Variants in SPMIP2 observed in about 807,000 individuals in gnomAD.
The protein encoded by SPMIP2 is protein SPMIP2.
the SPMIP2 span, among the ~76,000 whole-genome samples, chr4:158,915,723 T>C: frequency 9.9e-5 from 15 of 152,204 alleles, no homozygotes; most frequent in Non-Finnish European, 2.1e-4. Context: ...GGCCTATCCA[T>C]TTTGAGGTCT....
the SPMIP2 span, among the ~76,000 whole-genome samples, chr4:159,022,616 A>G: frequency 6.6e-6 from 1 of 152,178 alleles, no homozygotes; most frequent in African/African-American, 2.4e-5. Context: ...ATAGGGCCTG[A>G]GGCTCTGCAT....
At chr4:158,911,376 A>AAATAAATAAATAAAT in the SPMIP2 span, among the ~76,000 whole-genome samples, 5 of 147,054 alleles carry the variant, frequency 3.4e-5, no homozygotes, top group South Asian at 8.4e-4. Flanking sequence ...ATAAATAAAT[A>AAATAAATAAATAAAT]AATAAATAAA....
chr4:159,007,746 G>A, the SPMIP2 span: 1 of 632,082 alleles, frequency 1.6e-6, no homozygotes, highest in Non-Finnish European at 3.0e-6. Context: ...GGACTTCGGG[G>A]CCTTCTACGC....
At chr4:159,006,101 C>T in the SPMIP2 span, among the ~76,000 whole-genome samples, 1 of 152,154 alleles carries the variant, frequency 6.6e-6, no homozygotes, top group African/African-American at 2.4e-5. Flanking sequence ...AGAAAATGTT[C>T]AATTATGTAT....
chr4:159,076,572 A>G, the SPMIP2 span, among the ~76,000 whole-genome samples: 1 of 152,276 alleles, frequency 6.6e-6, no homozygotes, highest in Non-Finnish European at 1.5e-5. Context: ...TTTAAAATAT[A>G]GGAAAAGTAG....
chr4:159,025,432 T>C, the SPMIP2 span, among the ~76,000 whole-genome samples: 1 of 152,184 alleles, frequency 6.6e-6, no homozygotes, highest in Admixed American at 6.5e-5. Flanking sequence ...CCCAAACTGC[T>C]GGGATTACAG....
At chr4:158,999,228 G>C in the SPMIP2 span, among the ~76,000 whole-genome samples, 3 of 151,408 alleles carry the variant, frequency 2.0e-5, no homozygotes, top group Admixed American at 2.0e-4. Context: ...TAGTAGTTTT[G>C]CTTCAAAAAG....
chr4:158,901,387 G>A, the SPMIP2 span, among the ~76,000 whole-genome samples: 1 of 151,934 alleles, frequency 6.6e-6, no homozygotes, highest in Non-Finnish European at 1.5e-5. Context: ...TCCCTTTGTG[G>A]GTAACCTGAC....
At chr4:159,056,723 A>G in the SPMIP2 span, among the ~76,000 whole-genome samples, 11 of 152,198 alleles carry the variant, frequency 7.2e-5, no homozygotes, top group African/African-American at 2.7e-4. Context: ...GTGAAGAACA[A>G]GAATTTGATA....
the SPMIP2 span, among the ~76,000 whole-genome samples, chr4:158,908,818 C>G: frequency 2.6e-5 from 4 of 152,326 alleles, no homozygotes; most frequent in African/African-American, 9.6e-5. Context: ...TCCCAAGTAG[C>G]TGGGGTTACA....
At chr4:158,958,188 G>A in the SPMIP2 span, among the ~76,000 whole-genome samples, 4 of 152,080 alleles carry the variant, frequency 2.6e-5, no homozygotes, top group African/African-American at 4.8e-5. Flanking sequence ...TTCTTGTAGA[G>A]ATGGGGATTC....
chr4:158,939,699 C>T, the SPMIP2 span, among the ~76,000 whole-genome samples: 2 of 152,042 alleles, frequency 1.3e-5, no homozygotes, highest in Non-Finnish European at 2.9e-5. Context: ...AAACTGGGGC[C>T]GGGTGTGGTG....
At chr4:158,965,551 A>G in the SPMIP2 span, among the ~76,000 whole-genome samples, 1 of 152,090 alleles carries the variant, frequency 6.6e-6, no homozygotes, top group Non-Finnish European at 1.5e-5. Flanking sequence ...GTTAGGAAGT[A>G]TGCTCCCCCC....
the SPMIP2 span, among the ~76,000 whole-genome samples, chr4:159,015,519 T>C: frequency 1.3e-4 from 20 of 152,174 alleles, no homozygotes; most frequent in Admixed American, 1.3e-3. Context: ...AAACAAGAAA[T>C]GCTGGTGCAA....
At chr4:158,894,196 A>T in the SPMIP2 span, among the ~76,000 whole-genome samples, 1 of 139,644 alleles carries the variant, frequency 7.2e-6, no homozygotes, top group Non-Finnish European at 1.5e-5. Context: ...TTTGAGACAG[A>T]GTTTCATTTT....
the SPMIP2 span, among the ~76,000 whole-genome samples, chr4:158,997,859 G>A: frequency 6.6e-6 from 1 of 152,086 alleles, no homozygotes; most frequent in South Asian, 2.1e-4. Flanking sequence ...GTCTTACTAT[G>A]TTGCCCAGGC....
chr4:158,987,814 C>T, the SPMIP2 span, among the ~76,000 whole-genome samples: 1 of 151,136 alleles, frequency 6.6e-6, no homozygotes, highest in Non-Finnish European at 1.5e-5. Context: ...AAATTGACAC[C>T]CTAACATCAC....
chr4:159,027,590 G>A, the SPMIP2 span, among the ~76,000 whole-genome samples: 1 of 152,188 alleles, frequency 6.6e-6, no homozygotes, highest in Non-Finnish European at 1.5e-5. Context: ...ATCTAAAAGA[G>A]TTGTCTTGTG....
At chr4:158,965,505 T>C in the SPMIP2 span, among the ~76,000 whole-genome samples, 1 of 151,662 alleles carries the variant, frequency 6.6e-6, no homozygotes, top group African/African-American at 2.4e-5. Flanking sequence ...ACCCTTGGAG[T>C]TTTCTAATGT....
Sources: allele counts gnomAD v4.1 joint callset (sites outside exome capture counted in the v4.1 genomes callset), GRCh38; gene constraint gnomAD v4.1.1; transcripts MANE v1.5; gene names NCBI Gene and HGNC (gene_info 2026-07-23, HGNC 2026-07-21).